The following PUM2 variants were observed in gnomAD, a reference collection of about 807,000 sequenced individuals.
The protein encoded by PUM2 is pumilio homolog 2.
PUM2 carries 57 observed loss-of-function variants against 124.5 expected under a neutral mutation model. The ratio of observed to expected loss-of-function variants is 0.46; its 90% CI spans 0.37 to 0.57. The LOEUF (loss-of-function observed/expected upper bound fraction) is 0.57. PUM2 is among the 20% of genes least tolerant of loss of function. The pLI, the probability that PUM2 is intolerant of heterozygous loss-of-function variation, is 0.00. For synonymous variants in PUM2, 460 were observed against 446.1 expected, an observed-to-expected ratio of 1.03 and a Z score of -0.39; for missense variants, 1,065 against 1,290.6, an observed-to-expected ratio of 0.83 and a Z score of 2.68.
chr2:20,284,027 T>C (rs959577845), intron 10 of PUM2, among the ~76,000 whole-genome samples: 8 of 152,248 alleles, frequency 5.3e-5, no homozygotes, highest in Non-Finnish European at 1.2e-4. Context: ...TTAGTTTTAT[T>C]GTAGCCTTAA....
chr2:20,341,160 C>T (rs1034019055), intron 1 of PUM2, among the ~76,000 whole-genome samples: 7 of 152,102 alleles, frequency 4.6e-5, no homozygotes, highest in South Asian at 2.1e-4. Context: ...CTCTTACCTG[C>T]GCTCTGCACA....
In PUM2 at chr2:20,254,831, T is replaced by C. The variant is rs372325524; in HGVS notation, c.2870+32A>G. On this transcript the variant is annotated intron_variant, in intron 19 of 20. Coordinates refer to ENST00000361078, the MANE Select transcript of PUM2 (RefSeq NM_015317.5). ...AATAAAAGTCAATGAGTTGAAAGAA[T>C]TGACCCTTAAAATTACAAAGTATTA... 123 of 1,602,522 alleles carry C rather than the reference T, an allele frequency of 7.7e-5. No homozygotes were observed. In the East Asian group the frequency reaches 2.0e-3, roughly 26 times the overall value.
At position 20,305,463 on chromosome 2, in the gene PUM2, G is replaced by GAAA. The variant is rs67834545; in HGVS notation, c.883+2512_883+2514dup. ...GGTGACAGAGTAAGACCCTGTCTTCGAAAAAAAAAAAAAAAAAAAAAAAAA... is the reference window on the plus strand; with the variant it reads ...GGTGACAGAGTAAGACCCTGTCTTCGAAAAAAAAAAAAAAAAAAAAAAAAAAAA... On this transcript the variant is annotated intron_variant, in intron 7 of 20. Transcript: ENST00000361078. Among the ~76,000 whole-genome samples, 290 of 46,066 alleles carry GAAA rather than the reference G, an allele frequency of 6.3e-3. 2 individuals carry two copies. The highest frequency in any genetic ancestry group is 8.4e-3 in the East Asian group (12 of 1,436). The allele number at this position is 46,066 out of a possible 152,430, so 30.2% of individuals were successfully genotyped here.
chr2:20,314,060 C>T (rs995265501), intron 3 of PUM2, among the ~76,000 whole-genome samples: 1 of 152,148 alleles, frequency 6.6e-6, no homozygotes, highest in East Asian at 1.9e-4. Context: ...GTGGAAGGAT[C>T]ACCTGAGCCC....
At chr2:20,338,691 G>T (rs1686620884) in intron 1 of PUM2, among the ~76,000 whole-genome samples, 1 of 152,200 alleles carries the variant, frequency 6.6e-6, no homozygotes, top group African/African-American at 2.4e-5. Context: ...TACTAGTTAT[G>T]AGGGAAGTCA....
chr2:20,260,731 T>TA (rs1353200379), intron 14 of PUM2, among the ~76,000 whole-genome samples: 5 of 152,234 alleles, frequency 3.3e-5, no homozygotes, highest in African/African-American at 1.2e-4. Context: ...AATAAGAAAA[T>TA]TACGTAAATT....
chr2:20,326,349 T>G (rs745408640), intron 2 of PUM2: 1 of 1,304,288 alleles, frequency 7.7e-7, no homozygotes, highest in Admixed American at 2.3e-5. Flanking sequence ...GGTGCCCTCT[T>G]GTGGCCCAAA....
chr2:20,315,904 G>C (rs1680825709), intron 3 of PUM2, among the ~76,000 whole-genome samples: 1 of 148,794 alleles, frequency 6.7e-6, no homozygotes, highest in Non-Finnish European at 1.5e-5. Flanking sequence ...CATTGGTTCT[G>C]ATTCTGGTAA....
chr2:20,283,597 T>C, intron 10 of PUM2, 111 bp from the exon 11 acceptor site: 1 of 1,093,374 alleles, frequency 9.1e-7, no homozygotes, highest in Non-Finnish European at 1.3e-6. Context: ...TTTGTACCAT[T>C]ACTATAAAAT....
intron 12 of PUM2, among the ~76,000 whole-genome samples, chr2:20,281,429 G>A (rs960992447): frequency 6.6e-6 from 1 of 152,194 alleles, no homozygotes; most frequent in Non-Finnish European, 1.5e-5. Context: ...CAGACGATCA[G>A]TGACATACTA....
intron 1 of PUM2, among the ~76,000 whole-genome samples, chr2:20,327,879 T>C (rs1028442040): frequency 6.6e-6 from 1 of 152,162 alleles, no homozygotes; most frequent in Non-Finnish European, 1.5e-5. Context: ...GGACACGCCA[T>C]GTCCCGTGTA....
At chr2:20,270,804 T>C (rs1023287709) in intron 13 of PUM2, among the ~76,000 whole-genome samples, 1 of 152,132 alleles carries the variant, frequency 6.6e-6, no homozygotes. Flanking sequence ...TACCCAAACA[T>C]TCAATGAAAT....
In PUM2 at chr2:20,308,489, T is replaced by C; in HGVS notation, c.614A>G (p.Asn205Ser). 1.2e-6 allele frequency: 2 copies of C among 1,614,134 alleles called. No individual in the cohort carries two copies. Among genetic ancestry groups the C allele is most frequent in the Middle Eastern group, 3.3e-4 (2 of 6,062 alleles). ...NPSEGLGPLP[N>S]PTANKPLVEE... ...AACAAGTGGTTTATTAGCTGTAGGATTAGGAAGAGGCCCCAGTCCTTCTGA... is the reference window on the plus strand; with the variant it reads ...AACAAGTGGTTTATTAGCTGTAGGACTAGGAAGAGGCCCCAGTCCTTCTGA... Residue 205 changes from asparagine to serine, a missense_variant, in exon 6 of 21, where the codon AAT (asparagine) becomes AGT (serine). By Grantham distance (46) the Asn-to-Ser change is conservative. Coordinates refer to ENST00000361078, the MANE Select transcript of PUM2 (RefSeq NM_015317.5).
At chr2:20,273,691 T>G (rs981520992) in intron 13 of PUM2, among the ~76,000 whole-genome samples, 1 of 152,138 alleles carries the variant, frequency 6.6e-6, no homozygotes, top group African/African-American at 2.4e-5. Flanking sequence ...GTTTTTCAAT[T>G]TATATTAACA....
intron 13 of PUM2, among the ~76,000 whole-genome samples, chr2:20,269,926 C>T (rs1223802257): frequency 1.3e-5 from 2 of 152,132 alleles, no homozygotes; most frequent in Non-Finnish European, 2.9e-5. Context: ...TAATAACATA[C>T]TTAGTTAACA....
intron 9 of PUM2, among the ~76,000 whole-genome samples, chr2:20,292,124 T>A (rs958700856): frequency 9.9e-5 from 15 of 150,974 alleles, no homozygotes; most frequent in Non-Finnish European, 2.2e-4. Flanking sequence ...TCCAGGTGCA[T>A]GAGCTGCATC....
intron 8 of PUM2, among the ~76,000 whole-genome samples, chr2:20,295,390 C>CT (rs1675265539): frequency 6.6e-6 from 1 of 152,002 alleles, no homozygotes; most frequent in African/African-American, 2.4e-5. Flanking sequence ...AAGTCAAACT[C>CT]TCGGTTTCAC....
chr2:20,261,054 A>C (rs1039467848), intron 14 of PUM2, among the ~76,000 whole-genome samples: 1 of 152,148 alleles, frequency 6.6e-6, no homozygotes, highest in Non-Finnish European at 1.5e-5. Context: ...TACGTTACTC[A>C]GGTGTTCATG....
At position 20,320,836 on chromosome 2, in the gene PUM2, TCA is replaced by T. The variant is rs1682148360; in HGVS notation, c.52-2193_52-2192del. Among the ~76,000 whole-genome samples, 3 of 152,196 alleles carry T rather than the reference TCA, an allele frequency of 2.0e-5. No homozygotes were observed. The South Asian group carries it at 6.2e-4, about 32-fold the overall frequency. On this transcript the variant is annotated intron_variant, in intron 2 of 20. Coordinates refer to ENST00000361078, the MANE Select transcript of PUM2 (RefSeq NM_015317.5). ...TTGATATATTTAAATAATAGAACAT[TCA>T]CAGTTAAAACCCAAGTTAATCCCTT...
Sources: gnomAD v4.1 joint callset for allele counts (sites outside exome capture counted in the v4.1 genomes callset) on GRCh38, gnomAD v4.1.1 for gene constraint, MANE v1.5 for transcripts, NCBI Gene and HGNC (gene_info 2026-07-23, HGNC 2026-07-21) for gene names.